Variants in CMIP observed in about 807,000 individuals in gnomAD.
CMIP encodes the protein c-Maf inducing protein.
CMIP carries 13 observed loss-of-function variants against 97.3 expected under a neutral mutation model. The ratio of observed to expected loss-of-function variants is 0.13; its 90% CI spans 0.09 to 0.21. The LOEUF is 0.21. Among genes scored for constraint, CMIP ranks in the 10% least tolerant of loss-of-function variants. The pLI, the probability that CMIP is intolerant of heterozygous loss-of-function variation, is 1.00. For missense variants in CMIP, 847 were observed against 1,024.9 expected (o/e 0.83, Z 2.37); for synonymous variants, 538 against 436.3 (o/e 1.23, Z -2.91).
chr16:81,557,351 TGTTG>T (rs1379639120), intron 1 of CMIP, among the ~76,000 whole-genome samples: 1 of 151,180 alleles, frequency 6.6e-6, no homozygotes, highest in African/African-American at 2.5e-5. Flanking sequence ...AATTTACTGA[TGTTG>T]GTTGAATTCA....
At chr16:81,565,955 CAG>C (rs1004068069) in intron 1 of CMIP, among the ~76,000 whole-genome samples, 6 of 152,190 alleles carry the variant, frequency 3.9e-5, no homozygotes, top group African/African-American at 1.2e-4. Flanking sequence ...GGACCAGAGC[CAG>C]AGAGTTTCCC....
intron 3 of CMIP, among the ~76,000 whole-genome samples, chr16:81,642,722 CCT>C (rs1425664749): frequency 2.6e-5 from 4 of 152,032 alleles, no homozygotes; most frequent in African/African-American, 4.8e-5. Flanking sequence ...ATGGCGAAAC[CCT>C]GTCTCTACTA....
intron 1 of CMIP, among the ~76,000 whole-genome samples, chr16:81,524,175 C>T (rs988991286): frequency 2.0e-5 from 3 of 152,168 alleles, no homozygotes; most frequent in South Asian, 2.1e-4. Flanking sequence ...TGTAATGCCA[C>T]GATCCATTGC....
At chr16:81,626,211 G>GCGCGCGCGTGAGAA (rs1360746166) in intron 3 of CMIP, among the ~76,000 whole-genome samples, 5 of 102,464 alleles carry the variant, frequency 4.9e-5, no homozygotes, top group Admixed American at 2.1e-4. Flanking sequence ...GAGTGAGTGT[G>GCGCGCGCGTGAGAA]TGTGCGCGTG....
At chr16:81,571,963 C>A (rs2091098551) in intron 1 of CMIP, among the ~76,000 whole-genome samples, 1 of 152,230 alleles carries the variant, frequency 6.6e-6, no homozygotes, top group South Asian at 2.1e-4. Flanking sequence ...CCTTCAGCCT[C>A]ACTGGAGGAA....
chr16:81,455,569 T>C (rs193170484), intron 1 of CMIP, among the ~76,000 whole-genome samples: 43 of 152,282 alleles, frequency 2.8e-4, no homozygotes, highest in African/African-American at 1.0e-3. Context: ...GCTGCAGGGC[T>C]CTGTCCGTAC....
At chr16:81,484,950 C>T (rs981617598) in intron 1 of CMIP, among the ~76,000 whole-genome samples, 2 of 151,438 alleles carry the variant, frequency 1.3e-5, no homozygotes, top group Admixed American at 6.6e-5. Flanking sequence ...CCCCTGAAAA[C>T]CTCTTTTTTT....
Position 81,559,304 on chromosome 16 carries a change from C to T in CMIP, c.301-48263C>T, listed in dbSNP as rs2090830538. On this transcript the variant is annotated intron_variant, in intron 1 of 20. Transcript: ENST00000537098. ...GTGAAGGTGAACATTTATTATGACACCAGCATCAGTGGTCACTTATTTCAT... is the reference window on the plus strand; with the variant it reads ...GTGAAGGTGAACATTTATTATGACATCAGCATCAGTGGTCACTTATTTCAT... Among the ~76,000 whole-genome samples the T allele has an allele frequency of 2.6e-5, 4 of 152,180 alleles. No homozygotes were observed. In the South Asian group the frequency reaches 8.3e-4, roughly 32 times the overall value.
At chr16:81,587,882 A>C (rs1292962320) in intron 1 of CMIP, among the ~76,000 whole-genome samples, 41 of 152,234 alleles carry the variant, frequency 2.7e-4, no homozygotes, top group Non-Finnish European at 2.9e-5. Context: ...GTGGACAGCC[A>C]GTGTGCGGGT....
chr16:81,683,951 G>C (rs1325317145), intron 10 of CMIP, among the ~76,000 whole-genome samples: 2 of 150,652 alleles, frequency 1.3e-5, no homozygotes, highest in Non-Finnish European at 3.0e-5. Flanking sequence ...AGTAGAGATG[G>C]GGTTTCGCCA....
At chr16:81,610,079 C>G (rs1269566446) in intron 2 of CMIP, among the ~76,000 whole-genome samples, 3 of 152,136 alleles carry the variant, frequency 2.0e-5, no homozygotes, top group Non-Finnish European at 2.9e-5. Context: ...CCTCCACTTT[C>G]CTGCTCCACC....
intron 1 of CMIP, among the ~76,000 whole-genome samples, chr16:81,471,418 ACATG>A (rs1304662624): frequency 1.3e-5 from 2 of 152,010 alleles, no homozygotes; most frequent in Non-Finnish European, 2.9e-5. Context: ...ATACACACAT[ACATG>A]TACATGCACA....
At chr16:81,538,694 A>C (rs1236370630) in intron 1 of CMIP, among the ~76,000 whole-genome samples, 2 of 152,162 alleles carry the variant, frequency 1.3e-5, no homozygotes, top group Non-Finnish European at 2.9e-5. Flanking sequence ...TGTTGAGTCC[A>C]CCCTGAAGAA....
chr16:81,651,560 C>G, intron 3 of CMIP: 1 of 168,526 alleles, frequency 5.9e-6, no homozygotes, highest in Non-Finnish European at 1.2e-5. Flanking sequence ...GTCATGTTCC[C>G]TAGCTGACTA....
Position 81,639,532 on chromosome 16 carries a change from A to G in CMIP, c.478-12671A>G, listed in dbSNP as rs1263115467. Among the ~76,000 whole-genome samples the G allele has an allele frequency of 2.6e-5, 4 of 152,166 alleles. No individual in the cohort carries two copies. The East Asian group carries it at 7.7e-4, about 29-fold the overall frequency. On this transcript the variant is annotated intron_variant, in intron 3 of 20. Transcript: ENST00000537098. Reference sequence around the variant, plus strand: ...TGGCCTTTTGTGGCTGCCTTATCTCAGCCTAATGTCCCCAAGGTTCATTCA... The same window carrying G: ...TGGCCTTTTGTGGCTGCCTTATCTCGGCCTAATGTCCCCAAGGTTCATTCA...
intron 1 of CMIP, among the ~76,000 whole-genome samples, chr16:81,466,935 C>T (rs1907239857): frequency 6.6e-6 from 1 of 152,180 alleles, no homozygotes; most frequent in African/African-American, 2.4e-5. Flanking sequence ...AGACTTTTTC[C>T]TTTTTTCTTG....
At chr16:81,523,377 G>C (rs2090066471) in intron 1 of CMIP, among the ~76,000 whole-genome samples, 1 of 152,114 alleles carries the variant, frequency 6.6e-6, no homozygotes, top group Non-Finnish European at 1.5e-5. Flanking sequence ...TTCCATCTGA[G>C]TGCGAGGCCT....
intron 1 of CMIP, among the ~76,000 whole-genome samples, chr16:81,592,584 A>G (rs1418160920): frequency 2.0e-5 from 3 of 152,038 alleles, no homozygotes; most frequent in African/African-American, 7.2e-5. Flanking sequence ...CCCTCCGCTC[A>G]CCCTGCTCAT....
At chr16:81,594,723 C>T (rs1009310384) in intron 1 of CMIP, among the ~76,000 whole-genome samples, 1 of 151,946 alleles carries the variant, frequency 6.6e-6, no homozygotes, top group Admixed American at 6.6e-5. Context: ...ATGCCATTCT[C>T]CTGCCTCAGC....
Sources: allele counts gnomAD v4.1 joint callset (sites outside exome capture counted in the v4.1 genomes callset), GRCh38; gene constraint gnomAD v4.1.1; transcripts MANE v1.5; gene names NCBI Gene and HGNC (gene_info 2026-07-23, HGNC 2026-07-21).